Variants in MMS22L observed in about 807,000 individuals in gnomAD.
The protein encoded by MMS22L is protein MMS22-like.
MMS22L carries 74 observed loss-of-function variants against 159.1 expected under a neutral mutation model. That is an observed-to-expected ratio of 0.47 (90% CI 0.39 to 0.56). The LOEUF is 0.56. Ranked by LOEUF, MMS22L falls within the 20% of genes least tolerant of loss-of-function variation. MMS22L has a pLI of 0.00. For synonymous variants in MMS22L, 517 were observed against 506.9 expected (o/e 1.02, Z -0.27); for missense variants, 1,351 against 1,422.1 (o/e 0.95, Z 0.80).
intron 9 of MMS22L, among the ~76,000 whole-genome samples, chr6:97,263,012 T>C (rs1005142452): frequency 3.3e-5 from 5 of 152,208 alleles, no homozygotes; most frequent in Non-Finnish European, 7.3e-5. Context: ...CCGTATTTCC[T>C]GACTAAAATG....
At chr6:97,184,651 C>T (rs1193188713) in intron 15 of MMS22L, among the ~76,000 whole-genome samples, 1 of 152,106 alleles carries the variant, frequency 6.6e-6, no homozygotes, top group East Asian at 1.9e-4. Flanking sequence ...TCATCTCTAC[C>T]TTGAAAATAC....
chr6:97,155,107 T>A (rs1244397031), intron 22 of MMS22L, among the ~76,000 whole-genome samples: 5 of 152,296 alleles, frequency 3.3e-5, no homozygotes, highest in African/African-American at 1.2e-4. Context: ...TATGGGTAGA[T>A]CTTGTTTTTT....
intron 22 of MMS22L, among the ~76,000 whole-genome samples, chr6:97,155,561 G>A (rs2128236691): frequency 6.6e-6 from 1 of 152,266 alleles, no homozygotes; most frequent in African/African-American, 2.4e-5. Flanking sequence ...AGAACACGCG[G>A]TGTTTGGTTT....
At chr6:97,180,665 T>C (rs1357119924) in intron 16 of MMS22L, among the ~76,000 whole-genome samples, 1 of 152,334 alleles carries the variant, frequency 6.6e-6, no homozygotes, top group Non-Finnish European at 1.5e-5. Flanking sequence ...ATGTTACTAA[T>C]ACGCTAACAA....
chr6:97,203,996 G>A (rs1807472739), intron 14 of MMS22L, among the ~76,000 whole-genome samples: 1 of 152,132 alleles, frequency 6.6e-6, no homozygotes, highest in South Asian at 2.1e-4. Flanking sequence ...CTTAAAGGCA[G>A]CCAAACTTTA....
At chr6:97,160,949 C>T (rs1802376466) in intron 22 of MMS22L, among the ~76,000 whole-genome samples, 1 of 152,006 alleles carries the variant, frequency 6.6e-6, no homozygotes, top group South Asian at 2.1e-4. Flanking sequence ...AATTTCTTTC[C>T]CTATTGCCAC....
rs1242767157 is a variant in MMS22L, at chr6:97,145,548, A to G, written c.*1258T>C. ...ATTCATCTGGGACATATCATTAGAG[A>G]AAGATAAAATTGAGAGGTGTTCTTT... On this transcript the variant is annotated 3_prime_UTR_variant, in exon 25 of 25. Coordinates refer to ENST00000683635, the MANE Select transcript of MMS22L (RefSeq NM_001350599.2). 3 of 152,172 alleles carry G rather than the reference A, an allele frequency of 2.0e-5. No homozygotes were observed. The highest frequency in any genetic ancestry group is 2.0e-4 in the Admixed American group (3 of 15,278). The allele number at this position is 152,172 out of a possible 1,614,324, so 9.4% of individuals were successfully genotyped here.
At chr6:97,273,978 T>C (rs1816010629) in intron 4 of MMS22L, among the ~76,000 whole-genome samples, 1 of 152,208 alleles carries the variant, frequency 6.6e-6, no homozygotes, top group African/African-American at 2.4e-5. Flanking sequence ...CTAATAATAA[T>C]TTATAAAGCT....
At chr6:97,280,435 C>A (rs1816658705) in intron 3 of MMS22L, among the ~76,000 whole-genome samples, 1 of 151,968 alleles carries the variant, frequency 6.6e-6, no homozygotes, top group Non-Finnish European at 1.5e-5. Flanking sequence ...TGGGTTCAAG[C>A]AGTTCTCCTG....
At chr6:97,188,295 T>G (rs531683825) in intron 14 of MMS22L, among the ~76,000 whole-genome samples, 3 of 152,220 alleles carry the variant, frequency 2.0e-5, no homozygotes, top group African/African-American at 7.2e-5. Flanking sequence ...AAATAACTTA[T>G]GGTACTTGAG....
At chr6:97,279,993 AG>A (rs1250575066) in intron 3 of MMS22L, among the ~76,000 whole-genome samples, 1 of 152,152 alleles carries the variant, frequency 6.6e-6, no homozygotes, top group African/African-American at 2.4e-5. Flanking sequence ...TTGATTTCAA[AG>A]TCTTTAAAAA....
chr6:97,218,007 C>T (rs1259360106), intron 14 of MMS22L, among the ~76,000 whole-genome samples: 2 of 152,014 alleles, frequency 1.3e-5, no homozygotes, highest in Admixed American at 6.6e-5. Flanking sequence ...AGACTGGTTC[C>T]GAAATGTCTC....
chr6:97,168,342 T>G, intron 19 of MMS22L, 102 bp from the exon 20 acceptor site: 1 of 972,250 alleles, frequency 1.0e-6, no homozygotes, highest in Non-Finnish European at 1.6e-6. Context: ...GGGACCAAAT[T>G]AAAGTAGGGA....
At chr6:97,179,847 G>A (rs1269657412) in intron 16 of MMS22L, among the ~76,000 whole-genome samples, 2 of 152,156 alleles carry the variant, frequency 1.3e-5, no homozygotes, top group Non-Finnish European at 2.9e-5. Flanking sequence ...AGACAAGAAA[G>A]AATGTGGCTA....
intron 8 of MMS22L, chr6:97,266,176 CAG>C (rs970432929): frequency 1.3e-5 from 2 of 152,054 alleles, no homozygotes; most frequent in African/African-American, 4.8e-5. Flanking sequence ...TAATAAGCGC[CAG>C]AGAGGAAGTG....
chr6:97,259,053 C>A (rs1481310774), intron 9 of MMS22L: 1 of 152,106 alleles, frequency 6.6e-6, no homozygotes, highest in Non-Finnish European at 1.5e-5. Context: ...TATTTTTACC[C>A]ACCAATCTCA....
chr6:97,263,206 T>C lies in MMS22L; in HGVS notation c.942+129A>G, dbSNP rs577445650. 24 of 606,854 alleles carry C rather than the reference T, an allele frequency of 4.0e-5. No individual in the cohort carries two copies. The South Asian group carries it at 4.0e-4, about 10-fold the overall frequency. The allele number at this position is 606,854 out of a possible 1,614,324, so 37.6% of individuals were successfully genotyped here. On this transcript the variant is annotated intron_variant, in intron 9 of 24. Coordinates refer to ENST00000683635, the MANE Select transcript of MMS22L (RefSeq NM_001350599.2). ...AAAGTAGATATTCAGTACTCAGTTA[T>C]TGCTCTATTGGTGGTTATTATTGCC...
At chr6:97,275,022 A>G (rs1187974451) in intron 4 of MMS22L, among the ~76,000 whole-genome samples, 1 of 152,222 alleles carries the variant, frequency 6.6e-6, no homozygotes, top group African/African-American at 2.4e-5. Context: ...AACAAGCCTC[A>G]AGAAGAACCA....
intron 8 of MMS22L, 50 bp from the exon 9 acceptor site, chr6:97,263,498 TA>T (rs757651325): frequency 1.1e-6 from 1 of 874,734 alleles, no homozygotes; most frequent in Non-Finnish European, 1.7e-6. Context: ...AGCAGAATTT[TA>T]AATGCCATAT....
Sources: gnomAD v4.1 joint callset for allele counts (sites outside exome capture counted in the v4.1 genomes callset) on GRCh38, gnomAD v4.1.1 for gene constraint, MANE v1.5 for transcripts, NCBI Gene and HGNC (gene_info 2026-07-23, HGNC 2026-07-21) for gene names.